Variants in SLC29A4 observed in about 807,000 individuals in gnomAD.
SLC29A4 encodes the protein equilibrative nucleoside transporter 4.
Under a neutral mutation model 43.9 loss-of-function variants are expected in SLC29A4, and 36 were observed. That is an observed-to-expected ratio of 0.82 (90% CI 0.63 to 1.08). The LOEUF is 1.08. Ranked by LOEUF, SLC29A4 falls within the 50% of genes least tolerant of loss-of-function variation. SLC29A4 has a pLI of 0.00. For missense variants in SLC29A4, 869 were observed against 755.3 expected (o/e 1.15, Z -1.77); for synonymous variants, 491 against 338.0 (o/e 1.45, Z -4.97).
In SLC29A4 at chr7:5,288,990, C is replaced by T. The variant is rs1274946663; in HGVS notation, c.169+1005C>T. On this transcript the variant is annotated intron_variant, in intron 2 of 10. Coordinates refer to ENST00000396872, the MANE Select transcript of SLC29A4 (RefSeq NM_153247.4). ...AGATGATACTGTGTCAGTGTGGTTG[C>T]ATCAGAATCCACAGAATCTTGCTTG... 3.9e-5 allele frequency among the ~76,000 whole-genome samples: 6 copies of T among 152,284 alleles called. No homozygotes were observed. In the South Asian group the frequency reaches 6.2e-4, roughly 16 times the overall value.
intron 9 of SLC29A4, 42 bp from the exon 10 acceptor site, chr7:5,300,380 C>T (rs1786053248): frequency 1.9e-6 from 3 of 1,608,454 alleles, no homozygotes; most frequent in East Asian, 2.2e-5. Flanking sequence ...GCGAGTGGGG[C>T]TGTGGCCGGG....
At position 5,299,270 on chromosome 7, in the gene SLC29A4, G is replaced by T. The variant is rs746652680; in HGVS notation, c.1052G>T (p.Arg351Leu). ...TTACTGCACCGCTACGTGGTGGCGC[G>T]GGTGATCTGGGCCGACATGCTCTCC... ...ALLLHRYVVA[R>L]VIWADMLSIA... The change falls in exon 9 of 11, where the codon CGG becomes CTG. Residue 351 changes from arginine to leucine, a missense_variant. Coordinates refer to ENST00000396872, the MANE Select transcript of SLC29A4 (RefSeq NM_153247.4). 1.2e-6 allele frequency: 2 copies of T among 1,612,100 alleles called. No homozygotes were observed. The highest frequency in any genetic ancestry group is 1.7e-6 in the Non-Finnish European group (2 of 1,179,950).
intron 2 of SLC29A4, among the ~76,000 whole-genome samples, chr7:5,288,461 T>C (rs1785103121): frequency 6.6e-6 from 1 of 151,948 alleles, no homozygotes. Flanking sequence ...CCTGCCACCG[T>C]GCCCAGCTAA....
intron 1 of SLC29A4, among the ~76,000 whole-genome samples, chr7:5,283,698 G>A (rs1370219408): frequency 6.6e-6 from 1 of 152,094 alleles, no homozygotes; most frequent in Non-Finnish European, 1.5e-5. Context: ...CCCCACAGGA[G>A]TTGGAGCAGC....
chr7:5,299,635 G>C (rs1289101678), intron 9 of SLC29A4, among the ~76,000 whole-genome samples: 1 of 152,244 alleles, frequency 6.6e-6, no homozygotes, highest in African/African-American at 2.4e-5. Context: ...CGGAGTGTCA[G>C]CTGCATCTGG....
rs558288959 is a variant in SLC29A4, at chr7:5,290,163, C to G, written c.170-569C>G. On this transcript the variant is annotated intron_variant, in intron 2 of 10. Transcript: ENST00000396872. Reference sequence around the variant, plus strand: ...CCGCTTCCTGGGTTCACGCCATTCTCCTGCCTCAGCCTCCCGAGTAGCTGG... The same window carrying G: ...CCGCTTCCTGGGTTCACGCCATTCTGCTGCCTCAGCCTCCCGAGTAGCTGG... Among the ~76,000 whole-genome samples, 9 of 151,122 alleles carry G rather than the reference C, an allele frequency of 6.0e-5. No individual in the cohort carries two copies. In the South Asian group the frequency reaches 1.9e-3, roughly 31 times the overall value.
rs776279754 is a variant in SLC29A4 at position 5,305,415 on chromosome 7, C to T, written c.*2476C>T. 1.3e-5 allele frequency: 2 copies of T among 152,350 alleles called. No individual in the cohort carries two copies. The highest frequency in any genetic ancestry group is 2.4e-5 in the African/African-American group (1 of 41,470). The allele number at this position is 152,350 out of a possible 1,614,324, so 9.4% of individuals were successfully genotyped here. A position where few individuals can be genotyped will look rare whatever the true frequency, so the allele number is the denominator to read the frequency against. On this transcript the variant is annotated 3_prime_UTR_variant, in exon 11 of 11. Coordinates refer to ENST00000396872, the MANE Select transcript of SLC29A4 (RefSeq NM_153247.4). ...AGGTCAGTCACTGGGCAGCCAGACC[C>T]CCACCTATAGCTTCCCTAGGCCCCA...
chr7:5,305,969 C>A lies in SLC29A4; in HGVS notation c.*3030C>A, dbSNP rs1786464606. ...TCAAGCGATTCTCCTGCCTCAGCCT[C>A]CCAAGTAGCTGGGATTACAGGCACG... On this transcript the variant is annotated 3_prime_UTR_variant, in exon 11 of 11. Coordinates refer to ENST00000396872, the MANE Select transcript of SLC29A4 (RefSeq NM_153247.4). 6.6e-6 allele frequency: 1 copy of A among 152,190 alleles called. No homozygotes were observed. The highest frequency in any genetic ancestry group is 2.4e-5 in the African/African-American group (1 of 41,404). 9.4% of individuals were successfully genotyped at this position (152,190 alleles called of 1,614,324 possible). A position where few individuals can be genotyped will look rare whatever the true frequency, so the allele number is the denominator to read the frequency against.
At chr7:5,295,973 C>T (rs1381704860) in intron 6 of SLC29A4, among the ~76,000 whole-genome samples, 1 of 152,112 alleles carries the variant, frequency 6.6e-6, no homozygotes, top group South Asian at 2.1e-4. Context: ...CCCACCCTGC[C>T]TCACACTGGG....
At chr7:5,291,384 G>A in intron 4 of SLC29A4, 147 bp downstream of exon 4, 1 of 843,362 alleles carries the variant, frequency 1.2e-6, no homozygotes, top group Non-Finnish European at 1.9e-6. Context: ...TCTGGTGTAA[G>A]ACACCGTGGT....
chr7:5,287,005 G>A (rs549485474), intron 1 of SLC29A4, among the ~76,000 whole-genome samples: 3 of 152,226 alleles, frequency 2.0e-5, no homozygotes, highest in East Asian at 3.9e-4. Context: ...ATTTCTCACC[G>A]TGCCCACTGC....
chr7:5,300,436 G>A lies in SLC29A4; in HGVS notation c.1224G>A (p.Leu408=). Residue 408 remains leucine, a synonymous_variant, in exon 10 of 11, where the codon CTG becomes CTA. Transcript: ENST00000396872. ...SDFVGKILAA[L]PVDWRGTHLL... is the part of the protein sequence containing the mutation. ...GCTCTCTGCAGATCCTGGCAGCCCT[G>A]CCCGTGGACTGGCGGGGCACCCACC... 1.2e-6 allele frequency: 2 copies of A among 1,611,470 alleles called. No individual in the cohort carries two copies. The highest frequency in any genetic ancestry group is 1.7e-6 in the Non-Finnish European group (2 of 1,179,736).
At position 5,300,508 on chromosome 7, in the gene SLC29A4, C is replaced by A. The variant is rs768330293; in HGVS notation, c.1296C>A (p.Ile432=). 3 of 1,612,132 alleles carry A rather than the reference C, an allele frequency of 1.9e-6. No individual in the cohort carries two copies. In the South Asian group the frequency reaches 3.3e-5, roughly 18 times the overall value. The stretch of plus-strand genomic sequence containing the variant: ...GTGTGGTCTTCATCCCCCTCTTCAT[C>A]CTGTGCGTCTACCCCAGCGGCATGC... ...CLRVVFIPLF[I]LCVYPSGMPA... Residue 432 remains isoleucine (I), a synonymous_variant, in exon 10 of 11, where the codon ATC becomes ATA. Coordinates refer to ENST00000396872, the MANE Select transcript of SLC29A4 (RefSeq NM_153247.4).
At chr7:5,285,988 C>T (rs908970612) in intron 1 of SLC29A4, among the ~76,000 whole-genome samples, 4 of 151,620 alleles carry the variant, frequency 2.6e-5, no homozygotes, top group Admixed American at 1.3e-4. Flanking sequence ...CCAGCCTTGG[C>T]AACAAAGCGA....
chr7:5,292,859 A>G (rs1785395600), intron 5 of SLC29A4, among the ~76,000 whole-genome samples: 1 of 149,658 alleles, frequency 6.7e-6, no homozygotes, highest in Admixed American at 6.7e-5. Flanking sequence ...CCACCATGCC[A>G]GGCTAATTTT....
intron 1 of SLC29A4, among the ~76,000 whole-genome samples, chr7:5,284,495 A>G (rs1784842661): frequency 2.0e-5 from 3 of 152,268 alleles, no homozygotes; most frequent in Admixed American, 6.5e-5. Flanking sequence ...TGGGTCAGGC[A>G]TCAAGGGGTC....
chr7:5,298,894 C>T (rs1230833737), intron 7 of SLC29A4, 94 bp from the exon 8 acceptor site: 5 of 1,406,646 alleles, frequency 3.6e-6, no homozygotes, highest in African/African-American at 2.9e-5. Context: ...AGCGCCAGCC[C>T]CAGTGCGGCT....
Position 5,306,678 on chromosome 7 carries a change from G to C in SLC29A4, c.*3739G>C, listed in dbSNP as rs1011227962. Reference sequence around the variant, plus strand: ...CTGCATGGGGTCACCGCCCCTGCACGCGTGGCACCCAACTTCTTCCAGTCG... The same window carrying C: ...CTGCATGGGGTCACCGCCCCTGCACCCGTGGCACCCAACTTCTTCCAGTCG... On this transcript the variant is annotated 3_prime_UTR_variant, in exon 11 of 11. Transcript: ENST00000396872. 1.3e-5 allele frequency: 2 copies of C among 152,122 alleles called. No homozygotes were observed. The highest frequency in any genetic ancestry group is 2.9e-5 in the Non-Finnish European group (2 of 68,036). 9.4% of individuals were successfully genotyped at this position (152,122 alleles called of 1,614,324 possible).
intron 9 of SLC29A4, among the ~76,000 whole-genome samples, chr7:5,300,067 C>T (rs1786028911): frequency 6.6e-6 from 1 of 151,676 alleles, no homozygotes; most frequent in Non-Finnish European, 1.5e-5. Flanking sequence ...AACAAGCAAA[C>T]GAACAAAAAA....
Sources: gnomAD v4.1 joint callset for allele counts (sites outside exome capture counted in the v4.1 genomes callset) on GRCh38, gnomAD v4.1.1 for gene constraint, MANE v1.5 for transcripts, NCBI Gene and HGNC (gene_info 2026-07-23, HGNC 2026-07-21) for gene names.